Variants in SORCS3 observed in about 807,000 individuals in gnomAD.
SORCS3 encodes the protein VPS10 domain-containing receptor SorCS3.
A neutral mutation model predicts 146.3 loss-of-function variants in SORCS3; 57 were observed. The observed-to-expected ratio is 0.39, with a 90% CI of 0.31 to 0.49. The LOEUF (loss-of-function observed/expected upper bound fraction) is 0.49. SORCS3 is among the 20% of genes least tolerant of loss of function. SORCS3 has a pLI of 0.92. For missense variants in SORCS3, 1,341 were observed against 1,575.5 expected (o/e 0.85, Z 2.52); for synonymous variants, 653 against 618.5 (o/e 1.06, Z -0.83).
rs1005287196 is a variant in SORCS3, at chr10:105,190,326, G to A, written c.2010-9673G>A. Among the ~76,000 whole-genome samples the A allele has an allele frequency of 3.3e-5, 5 of 152,146 alleles. 1 individual carries two copies. The highest frequency in any genetic ancestry group is 2.0e-4 in the Admixed American group (3 of 15,266). On this transcript the variant is annotated intron_variant, in intron 14 of 26. Coordinates refer to ENST00000369701, the MANE Select transcript of SORCS3 (RefSeq NM_014978.3). ...TCCTCATCTGTTAAATGGGAGTAAC[G>A]AATAAAATGAGATGATCCATGCATA...
At chr10:104,760,016 G>C (rs1432588285) in intron 1 of SORCS3, among the ~76,000 whole-genome samples, 1 of 152,226 alleles carries the variant, frequency 6.6e-6, no homozygotes, top group Non-Finnish European at 1.5e-5. Flanking sequence ...GGGGGCAATA[G>C]CTGAGCTGAG....
chr10:105,059,160 C>T (rs1304709289), intron 5 of SORCS3, among the ~76,000 whole-genome samples: 1 of 152,050 alleles, frequency 6.6e-6, no homozygotes, highest in East Asian at 1.9e-4. Flanking sequence ...TTAGTGGAGT[C>T]CCAGGTGTTC....
At chr10:104,769,893 A>C (rs1455126905) in intron 1 of SORCS3, among the ~76,000 whole-genome samples, 4 of 152,120 alleles carry the variant, frequency 2.6e-5, no homozygotes, top group Non-Finnish European at 5.9e-5. Context: ...TTGTCAGATG[A>C]CTTTTCTTTT....
chr10:104,834,768 C>T (rs2018047207), intron 1 of SORCS3, among the ~76,000 whole-genome samples: 2 of 150,008 alleles, frequency 1.3e-5, no homozygotes, highest in South Asian at 4.2e-4. Flanking sequence ...TTCTTTACTG[C>T]TGATTCAGCA....
chr10:104,747,485 A>T (rs1175098328), intron 1 of SORCS3, among the ~76,000 whole-genome samples: 1 of 152,214 alleles, frequency 6.6e-6, no homozygotes, highest in Non-Finnish European at 1.5e-5. Flanking sequence ...GTGGATAGAC[A>T]TACTGATACT....
chr10:105,219,176 T>A (rs2056683929), intron 19 of SORCS3, among the ~76,000 whole-genome samples: 1 of 152,152 alleles, frequency 6.6e-6, no homozygotes. Flanking sequence ...GTTTCACTCA[T>A]GACTATGATT....
At chr10:104,959,994 T>A (rs1351190392) in intron 3 of SORCS3, among the ~76,000 whole-genome samples, 1 of 152,168 alleles carries the variant, frequency 6.6e-6, no homozygotes, top group Non-Finnish European at 1.5e-5. Context: ...ATGTGGTCCA[T>A]TGTCTCAAAG....
rs182842302 is a variant in SORCS3 at position 104,965,953 on chromosome 10, G to A, written c.796-11382G>A. On this transcript the variant is annotated intron_variant, in intron 3 of 26. Transcript: ENST00000369701. ...GAGAATGGCATGCATTGTGGCCATA[G>A]GTGAGACAGGATATGTATAAGCATA... 1.4e-4 allele frequency among the ~76,000 whole-genome samples: 21 copies of A among 152,168 alleles called. No homozygotes were observed. The Middle Eastern group carries it at 0.01, about 74-fold the overall frequency.
At chr10:105,181,018 T>G (rs1245802029) in intron 14 of SORCS3, among the ~76,000 whole-genome samples, 1 of 152,196 alleles carries the variant, frequency 6.6e-6, no homozygotes, top group Non-Finnish European at 1.5e-5. Context: ...GACATGTGGA[T>G]GCACACACAT....
intron 11 of SORCS3, among the ~76,000 whole-genome samples, chr10:105,163,883 TAC>T (rs67886313): frequency 0.17 from 23,883 of 138,246 alleles, 2,189 homozygotes; most frequent in African/African-American, 0.25. Flanking sequence ...GTTACGCACA[TAC>T]ACACACACAC....
chr10:104,703,932 T>C (rs926111226), intron 1 of SORCS3, among the ~76,000 whole-genome samples: 4 of 151,992 alleles, frequency 2.6e-5, no homozygotes, highest in African/African-American at 7.3e-5. Context: ...TGGAAAAAAA[T>C]AGCAGCGACT....
At chr10:105,208,363 A>AT (rs2056614987) in intron 16 of SORCS3, among the ~76,000 whole-genome samples, 1 of 150,744 alleles carries the variant, frequency 6.6e-6, no homozygotes. Flanking sequence ...AAAAAAAAAA[A>AT]GAGAAATAAG....
At chr10:104,887,807 A>C (rs2018704489) in intron 2 of SORCS3, among the ~76,000 whole-genome samples, 1 of 152,102 alleles carries the variant, frequency 6.6e-6, no homozygotes, top group African/African-American at 2.4e-5. Flanking sequence ...GGATGTTTTA[A>C]GTTCTGTATC....
At chr10:104,729,058 C>A (rs1167153119) in intron 1 of SORCS3, among the ~76,000 whole-genome samples, 1 of 152,098 alleles carries the variant, frequency 6.6e-6, no homozygotes. Context: ...TTCCTATTTT[C>A]AAAATAGTTT....
At chr10:104,842,951 G>A in intron 2 of SORCS3, 92 bp downstream of exon 2, 1 of 975,384 alleles carries the variant, frequency 1.0e-6, no homozygotes. Context: ...ACTGGAAGGA[G>A]CAGAAGATAG....
chr10:104,706,602 C>T (rs563208283), intron 1 of SORCS3, among the ~76,000 whole-genome samples: 23 of 152,086 alleles, frequency 1.5e-4, no homozygotes, highest in African/African-American at 3.1e-4. Flanking sequence ...CTGGTTCCAC[C>T]GTAGCATATG....
At chr10:104,685,708 G>A (rs1389027377) in intron 1 of SORCS3, among the ~76,000 whole-genome samples, 3 of 152,200 alleles carry the variant, frequency 2.0e-5, no homozygotes, top group Non-Finnish European at 4.4e-5. Flanking sequence ...GTGATTTCCA[G>A]TAGGAGCAAC....
intron 2 of SORCS3, among the ~76,000 whole-genome samples, chr10:104,847,955 C>T (rs944575819): frequency 1.3e-5 from 2 of 151,964 alleles, no homozygotes; most frequent in African/African-American, 4.8e-5. Context: ...CATGACCCTC[C>T]TTTCTGGGTG....
chr10:105,248,294 A>G (rs771595217), intron 22 of SORCS3, among the ~76,000 whole-genome samples: 12 of 152,234 alleles, frequency 7.9e-5, no homozygotes, highest in Non-Finnish European at 1.5e-4. Flanking sequence ...CTATCCAGGG[A>G]CATGAAGACT....
Sources: allele counts gnomAD v4.1 joint callset (sites outside exome capture counted in the v4.1 genomes callset), GRCh38; gene constraint gnomAD v4.1.1; transcripts MANE v1.5; gene names NCBI Gene and HGNC (gene_info 2026-07-23, HGNC 2026-07-21).